The following PBX3 variants were observed in gnomAD, a reference collection of about 807,000 sequenced individuals.
PBX3 encodes pre-B-cell leukemia transcription factor 3.
A neutral mutation model predicts 48.5 loss-of-function variants in PBX3; 14 were observed. The ratio of observed to expected loss-of-function variants is 0.29; its 90% CI spans 0.19 to 0.45. The LOEUF (loss-of-function observed/expected upper bound fraction) is 0.45, where lower values mean the gene tolerates loss of function less well. PBX3 is among the 20% of genes least tolerant of loss of function. The pLI is 1.00. For missense variants in PBX3, 386 were observed against 546.7 expected (o/e 0.71, Z 2.93); for synonymous variants, 210 against 200.3 (o/e 1.05, Z -0.41).
intron 2 of PBX3, among the ~76,000 whole-genome samples, chr9:125,787,229 TG>T (rs1334794453): frequency 6.6e-6 from 1 of 151,958 alleles, no homozygotes; most frequent in African/African-American, 2.4e-5. Flanking sequence ...CTTGTAGAAA[TG>T]GGGTCTCGCT....
intron 2 of PBX3, among the ~76,000 whole-genome samples, chr9:125,792,516 T>C (rs1353073671): frequency 6.6e-6 from 1 of 152,104 alleles, no homozygotes; most frequent in Non-Finnish European, 1.5e-5. Flanking sequence ...ACTGGCTAGT[T>C]TGGCCCATAG....
At chr9:125,853,527 G>C (rs1444269384) in intron 2 of PBX3, among the ~76,000 whole-genome samples, 1 of 152,186 alleles carries the variant, frequency 6.6e-6, no homozygotes, top group African/African-American at 2.4e-5. Context: ...ACATCAAAAT[G>C]TAGCTGACCC....
intron 5 of PBX3, among the ~76,000 whole-genome samples, chr9:125,950,189 G>A (rs1482066363): frequency 1.3e-5 from 2 of 152,192 alleles, no homozygotes; most frequent in Admixed American, 6.5e-5. Flanking sequence ...TGGCCGCAAG[G>A]CTGACGTTTT....
intron 2 of PBX3, among the ~76,000 whole-genome samples, chr9:125,825,089 G>A (rs1443821412): frequency 2.0e-5 from 3 of 152,156 alleles, no homozygotes; most frequent in Non-Finnish European, 4.4e-5. Context: ...TTCGAGACCA[G>A]CCTGGATAAC....
intron 2 of PBX3, among the ~76,000 whole-genome samples, chr9:125,791,658 G>A (rs1346025049): frequency 6.6e-6 from 1 of 152,054 alleles, no homozygotes; most frequent in Admixed American, 6.6e-5. Context: ...TTCCTAGGCC[G>A]GGCGCGGTGG....
At chr9:125,910,570 G>A (rs151214466) in intron 2 of PBX3, among the ~76,000 whole-genome samples, 40 of 151,804 alleles carry the variant, frequency 2.6e-4, no homozygotes, top group Non-Finnish European at 4.1e-4. Context: ...GTGCATTGCC[G>A]TGTTATATTT....
chr9:125,792,595 G>T (rs1244109617), intron 2 of PBX3, among the ~76,000 whole-genome samples: 1 of 152,008 alleles, frequency 6.6e-6, no homozygotes, highest in African/African-American at 2.4e-5. Context: ...GGGAGCAGTG[G>T]TTTCCCATTG....
chr9:125,928,049 G>A (rs990403233), intron 3 of PBX3, among the ~76,000 whole-genome samples: 2 of 151,952 alleles, frequency 1.3e-5, no homozygotes, highest in East Asian at 1.9e-4. Flanking sequence ...CGGGCGTGGC[G>A]GTGTGTACCT....
intron 4 of PBX3, among the ~76,000 whole-genome samples, chr9:125,930,947 A>T (rs1841700399): frequency 6.6e-6 from 1 of 152,206 alleles, no homozygotes; most frequent in African/African-American, 2.4e-5. Flanking sequence ...TCCTGTCTGC[A>T]TTACTTCTTT....
intron 2 of PBX3, among the ~76,000 whole-genome samples, chr9:125,857,490 G>C (rs1564141931): frequency 6.6e-6 from 1 of 151,972 alleles, no homozygotes; most frequent in Non-Finnish European, 1.5e-5. Context: ...AAAAGCTTTA[G>C]GTAACCATTT....
intron 2 of PBX3, among the ~76,000 whole-genome samples, chr9:125,877,250 GTAA>G (rs1193386249): frequency 6.6e-6 from 1 of 152,134 alleles, no homozygotes; most frequent in Non-Finnish European, 1.5e-5. Context: ...TCAGAATACC[GTAA>G]TAATAAAACC....
intron 2 of PBX3, among the ~76,000 whole-genome samples, chr9:125,874,727 G>A (rs1031893655): frequency 4.6e-5 from 7 of 152,294 alleles, no homozygotes; most frequent in African/African-American, 1.7e-4. Flanking sequence ...AAACTCTCAT[G>A]TATTGCCAGT....
chr9:125,958,409 A>G (rs10760406), intron 5 of PBX3, among the ~76,000 whole-genome samples: 95,942 of 152,188 alleles, frequency 0.63, 31,783 homozygotes, highest in East Asian at 0.77. Flanking sequence ...AAGGAAGGGA[A>G]GGCCAAGAAG....
chr9:125,924,687 A>G (rs142325323), intron 3 of PBX3, among the ~76,000 whole-genome samples: 1 of 152,356 alleles, frequency 6.6e-6, no homozygotes, highest in Non-Finnish European at 1.5e-5. Flanking sequence ...ACATTTCATT[A>G]TATAATATCA....
intron 5 of PBX3, among the ~76,000 whole-genome samples, chr9:125,952,903 C>T (rs1038970270): frequency 1.2e-4 from 18 of 151,894 alleles, no homozygotes; most frequent in Non-Finnish European, 2.4e-4. Context: ...CCCCACTGTA[C>T]ATGATAGTCA....
intron 5 of PBX3, among the ~76,000 whole-genome samples, chr9:125,958,399 A>T (rs1842355209): frequency 6.6e-6 from 1 of 152,228 alleles, no homozygotes; most frequent in Admixed American, 6.5e-5. Context: ...TATGGGGCTC[A>T]AGGAAGGGAA....
At chr9:125,906,996 C>T (rs1841088966) in intron 2 of PBX3, among the ~76,000 whole-genome samples, 1 of 152,010 alleles carries the variant, frequency 6.6e-6, no homozygotes, top group African/African-American at 2.4e-5. Context: ...TTTTTCTACA[C>T]ATGGCTATTC....
intron 2 of PBX3, among the ~76,000 whole-genome samples, chr9:125,897,577 C>G (rs1449933415): frequency 6.6e-6 from 1 of 151,808 alleles, no homozygotes; most frequent in African/African-American, 2.4e-5. Flanking sequence ...CTAAACCATT[C>G]TAAAATGTCA....
chr9:125,934,621 T>C (rs562321760), intron 4 of PBX3, among the ~76,000 whole-genome samples: 2 of 152,176 alleles, frequency 1.3e-5, no homozygotes, highest in Non-Finnish European at 1.5e-5. Context: ...TGTTCTCTCC[T>C]CTTTGCTTAG....
Sources: gnomAD v4.1 joint callset for allele counts (sites outside exome capture counted in the v4.1 genomes callset) on GRCh38, gnomAD v4.1.1 for gene constraint, MANE v1.5 for transcripts, NCBI Gene and HGNC (gene_info 2026-07-23, HGNC 2026-07-21) for gene names.